EPCAM: variants seen among roughly 807,000 people sequenced by gnomAD.
The protein encoded by EPCAM is adenocarcinoma-associated antigen.
In EPCAM, 39 loss-of-function variants were observed where a neutral mutation model predicts 40.0. The observed-to-expected ratio is 0.98, with a 90% CI of 0.76 to 1.27. The LOEUF is 1.27. Ranked by LOEUF, EPCAM falls within the 50% of genes most tolerant of loss-of-function variation. EPCAM has a pLI of 0.00. For missense variants in EPCAM, 503 were observed against 381.2 expected (o/e 1.32, Z -2.66); for synonymous variants, 168 against 132.3 (o/e 1.27, Z -1.85).
chr2:47,386,894 C>T lies in EPCAM; in HGVS notation c.*281C>T, dbSNP rs1278341953. 6.6e-6 allele frequency: 2 copies of T among 302,946 alleles called. No individual in the cohort carries two copies. Among genetic ancestry groups the T allele is most frequent in the East Asian group, 4.7e-5 (1 of 21,154 alleles). The allele number at this position is 302,946 out of a possible 1,614,324, so 18.8% of individuals were successfully genotyped here. On this transcript the variant is annotated 3_prime_UTR_variant, in exon 9 of 9. Transcript: ENST00000263735. Reference sequence around the variant, plus strand: ...TTTATGTGTAACATTCAAATGTGTGCATTAAATATGCTTCCACAGTAAAAT... The same window carrying T: ...TTTATGTGTAACATTCAAATGTGTGTATTAAATATGCTTCCACAGTAAAAT...
chr2:47,372,410 G>C (rs1215676769), intron 1 of EPCAM, among the ~76,000 whole-genome samples: 1 of 151,938 alleles, frequency 6.6e-6, no homozygotes, highest in Non-Finnish European at 1.5e-5. Flanking sequence ...GGCCGAGGTG[G>C]GTGGGTTACC....
At position 47,373,528 on chromosome 2, in the gene EPCAM, T is replaced by G. The variant is rs1671338762; in HGVS notation, c.142T>G (p.Cys48Gly). ...CFVNNNRQCQ[C>G]TSVGAQNTVI... ...TGTGAATAATAATCGTCAATGCCAG[T>G]GTACTTCAGTTGGTGCACAAAATAC... Residue 48 changes from cysteine to glycine, a missense_variant, in exon 2 of 9, where the codon TGT becomes GGT. Physicochemically the swap from Cys to Gly is radical, Grantham distance 159. Transcript: ENST00000263735. The G allele has an allele frequency of 6.2e-7, 1 of 1,613,738 alleles. No individual in the cohort carries two copies. Among genetic ancestry groups the G allele is most frequent in the Admixed American group, 1.7e-5 (1 of 59,992 alleles).
chr2:47,372,886 G>C (rs1480617758), intron 1 of EPCAM, among the ~76,000 whole-genome samples: 1 of 151,734 alleles, frequency 6.6e-6, no homozygotes, highest in Non-Finnish European at 1.5e-5. Flanking sequence ...ATGATACTTG[G>C]AGAGCTGTGT....
intron 7 of EPCAM, among the ~76,000 whole-genome samples, chr2:47,380,316 C>T (rs1308177183): frequency 6.6e-6 from 1 of 151,112 alleles, no homozygotes; most frequent in Non-Finnish European, 1.5e-5. Context: ...GACCCTGTCT[C>T]AAAAAGAAGA....
chr2:47,380,973 C>G (rs1351668372), intron 7 of EPCAM, among the ~76,000 whole-genome samples: 1 of 147,634 alleles, frequency 6.8e-6, no homozygotes, highest in African/African-American at 2.5e-5. Flanking sequence ...TGCCTGTAAT[C>G]TATTCGGGAG....
intron 6 of EPCAM, 104 bp downstream of exon 6, chr2:47,379,158 A>G (rs560064245): frequency 8.1e-6 from 6 of 737,340 alleles, no homozygotes; most frequent in African/African-American, 1.7e-5. Flanking sequence ...AGATCAACCA[A>G]ATGGTTCGCT....
chr2:47,385,388 C>T (rs774617930), intron 8 of EPCAM, among the ~76,000 whole-genome samples, 178 bp downstream of exon 8: 6 of 152,168 alleles, frequency 3.9e-5, no homozygotes, highest in Non-Finnish European at 8.8e-5. Flanking sequence ...GCGTGAGTTC[C>T]ATGGCAGATC....
In EPCAM at chr2:47,373,588, A is replaced by G; in HGVS notation, c.184+18A>G. On this transcript the variant is annotated intron_variant, in intron 2 of 8. Coordinates refer to ENST00000263735, the MANE Select transcript of EPCAM (RefSeq NM_002354.3). ...CTCAAAGCGTGAGTAAAATATCCTA[A>G]TTACCTGTAAGCTTTATTTTGACTT... 1.9e-6 allele frequency: 3 copies of G among 1,567,162 alleles called. No individual in the cohort carries two copies. The highest frequency in any genetic ancestry group is 1.8e-6 in the Non-Finnish European group (2 of 1,137,694).
chr2:47,378,862 A>G (rs1450012395), intron 5 of EPCAM, 91 bp from the exon 6 acceptor site: 2 of 721,634 alleles, frequency 2.8e-6, no homozygotes, highest in African/African-American at 3.5e-5. Flanking sequence ...AGAAAATCAA[A>G]CACTGAATAT....
Position 47,379,915 on chromosome 2 carries a change from T to C in EPCAM, c.804T>C (p.Val268=). Residue 268 remains valine, a synonymous_variant, in exon 7 of 9, where the codon GTT becomes GTC. Transcript: ENST00000263735. ...EFSMQGLKAG[V]IAVIVVVVIA... is the part of the protein sequence containing the mutation. ...CAATGCAGGGTCTAAAAGCTGGTGTTATTGCTGTTATTGTGGTTGTGGTGA... is the reference window on the plus strand; with the variant it reads ...CAATGCAGGGTCTAAAAGCTGGTGTCATTGCTGTTATTGTGGTTGTGGTGA... 6.2e-7 allele frequency: 1 copy of C among 1,614,118 alleles called. No homozygotes were observed. Among genetic ancestry groups the C allele is most frequent in the Non-Finnish European group, 8.5e-7 (1 of 1,180,006 alleles).
At position 47,380,141 on chromosome 2, in the gene EPCAM, C is replaced by T. The variant is rs118188110; in HGVS notation, c.858+172C>T. Among the ~76,000 whole-genome samples, 37 of 152,182 alleles carry T rather than the reference C, an allele frequency of 2.4e-4. 1 individual carries two copies. In the East Asian group the frequency reaches 7.1e-3, roughly 29 times the overall value. On this transcript the variant is annotated intron_variant, in intron 7 of 8. Transcript: ENST00000263735. ...GACCACACTGGGCAACATGGTGAAACCTTATCTGTAGTAAAAATACAAAAA... is the reference window on the plus strand; with the variant it reads ...GACCACACTGGGCAACATGGTGAAATCTTATCTGTAGTAAAAATACAAAAA...
intron 7 of EPCAM, among the ~76,000 whole-genome samples, chr2:47,382,544 G>A (rs187462507): frequency 1.3e-5 from 2 of 152,278 alleles, no homozygotes; most frequent in African/African-American, 2.4e-5. Context: ...AAATGAGCCA[G>A]GCATGGTGGT....
At chr2:47,379,608 A>G (rs1671526213) in intron 6 of EPCAM, among the ~76,000 whole-genome samples, 161 bp from the exon 7 acceptor site, 1 of 152,232 alleles carries the variant, frequency 6.6e-6, no homozygotes, top group African/African-American at 2.4e-5. Flanking sequence ...AGGTTCCTGT[A>G]ATAAACAGTT....
chr2:47,374,066 T>C lies in EPCAM; in HGVS notation c.425+18T>C, dbSNP rs1671358797. 3 of 1,613,862 alleles carry C rather than the reference T, an allele frequency of 1.9e-6. No individual in the cohort carries two copies. The African/African-American group carries it at 4.0e-5, about 21-fold the overall frequency. On this transcript the variant is annotated intron_variant, in intron 3 of 8. Coordinates refer to ENST00000263735, the MANE Select transcript of EPCAM (RefSeq NM_002354.3). ...AGAACCTAGTGAGTGGGGCTGCCTA[T>C]ACTACTTGTTTTCATGCTGTTCAGA...
At chr2:47,375,419 G>T (rs1174496579) in intron 4 of EPCAM, 120 bp downstream of exon 4, 1 of 712,586 alleles carries the variant, frequency 1.4e-6, no homozygotes, top group Non-Finnish European at 2.5e-6. Flanking sequence ...AAAGTTACTT[G>T]AAATAGAGTT....
chr2:47,369,504 G>A lies in EPCAM; in HGVS notation c.-2G>A, dbSNP rs1408980024. 5.1e-5 allele frequency: 79 copies of A among 1,546,758 alleles called. No homozygotes were observed. In the Admixed American group the frequency reaches 1.5e-3, roughly 30 times the overall value. ...CGCCCCTCTTCTCGGCGCGCGCGCAGCATGGCGCCCCCGCAGGTCCTCGCG... is the reference window on the plus strand; with the variant it reads ...CGCCCCTCTTCTCGGCGCGCGCGCAACATGGCGCCCCCGCAGGTCCTCGCG... On this transcript the variant is annotated 5_prime_UTR_variant, in exon 1 of 9. Transcript: ENST00000263735.
chr2:47,376,955 T>TTC (rs1300517960), intron 4 of EPCAM, 59 bp from the exon 5 acceptor site: 8 of 1,143,122 alleles, frequency 7.0e-6, no homozygotes, highest in Non-Finnish European at 8.0e-6. Context: ...AGAGTAGTGC[T>TTC]TCTTACTGTT....
Position 47,373,547 on chromosome 2 carries a change from A to G in EPCAM, c.161A>G (p.Gln54Arg), listed in dbSNP as rs376674068. The G allele has an allele frequency of 2.2e-4, 350 of 1,612,854 alleles. 1 individual carries two copies. Among genetic ancestry groups the G allele is most frequent in the Non-Finnish European group, 2.9e-4 (339 of 1,179,016 alleles). ...TGCCAGTGTACTTCAGTTGGTGCAC[A>G]AAATACTGTCATTTGCTCAAAGCGT... The part of the protein sequence containing the change: ...RQCQCTSVGA[Q>R]NTVICSKLAA... Residue 54 changes from glutamine to arginine, a missense_variant, in exon 2 of 9, where the codon CAA (glutamine) becomes CGA (arginine). Gln to Arg is a conservative substitution (Grantham distance 43). Coordinates refer to ENST00000263735, the MANE Select transcript of EPCAM (RefSeq NM_002354.3).
At chr2:47,384,604 CG>C (rs1022177534) in intron 7 of EPCAM, among the ~76,000 whole-genome samples, 1 of 149,582 alleles carries the variant, frequency 6.7e-6, no homozygotes, top group African/African-American at 2.5e-5. Flanking sequence ...TTAGTAGAGT[CG>C]GGGGGTTTCA....
Sources: gnomAD v4.1 joint callset for allele counts (sites outside exome capture counted in the v4.1 genomes callset) on GRCh38, gnomAD v4.1.1 for gene constraint, MANE v1.5 for transcripts, NCBI Gene and HGNC (gene_info 2026-07-23, HGNC 2026-07-21) for gene names.